The following ADAMTS17 variants were observed in gnomAD, a reference collection of about 807,000 sequenced individuals.
ADAMTS17 encodes the protein A disintegrin and metalloproteinase with thrombospondin motifs 17.
Under a neutral mutation model 141.5 loss-of-function variants are expected in ADAMTS17, and 113 were observed. The ratio of observed to expected loss-of-function variants is 0.80; its 90% CI spans 0.69 to 0.93. ADAMTS17 has a LOEUF of 0.93. ADAMTS17 is among the 40% of genes least tolerant of loss of function. ADAMTS17 has a pLI of 0.00. For missense variants in ADAMTS17, 1,659 were observed against 1,517.9 expected (o/e 1.09, Z -1.54); for synonymous variants, 768 against 630.6 (o/e 1.22, Z -3.27).
intron 7 of ADAMTS17, among the ~76,000 whole-genome samples, chr15:100,210,795 C>T (rs2041776125): frequency 1.3e-5 from 2 of 152,030 alleles, no homozygotes; most frequent in African/African-American, 2.4e-5. Flanking sequence ...GCTGAAACCC[C>T]GTCTCTACTA....
At chr15:100,042,463 G>A (rs2031339789) in intron 18 of ADAMTS17, among the ~76,000 whole-genome samples, 1 of 152,084 alleles carries the variant, frequency 6.6e-6, no homozygotes, top group South Asian at 2.1e-4. Context: ...ACAATTTCAT[G>A]GGTAGAAGAT....
chr15:99,994,009 G>A (rs575082823), intron 19 of ADAMTS17, among the ~76,000 whole-genome samples: 10 of 152,244 alleles, frequency 6.6e-5, no homozygotes, highest in Non-Finnish European at 1.2e-4. Context: ...TCTGGAGTGC[G>A]TCTGGAGCCT....
chr15:100,225,423 T>G (rs1243254666), intron 7 of ADAMTS17, among the ~76,000 whole-genome samples: 1 of 152,250 alleles, frequency 6.6e-6, no homozygotes, highest in Admixed American at 6.5e-5. Flanking sequence ...CAGCAGCCAT[T>G]CATGCAGTCC....
chr15:100,176,718 G>T (rs2040351888), intron 8 of ADAMTS17, among the ~76,000 whole-genome samples: 1 of 152,128 alleles, frequency 6.6e-6, no homozygotes, highest in Non-Finnish European at 1.5e-5. Context: ...CCACAATCAA[G>T]AAACTTAACT....
intron 10 of ADAMTS17, among the ~76,000 whole-genome samples, chr15:100,147,874 CAA>C (rs2038982888): frequency 6.6e-6 from 1 of 152,216 alleles, no homozygotes; most frequent in Middle Eastern, 3.2e-3. Context: ...GTCAGAAGTC[CAA>C]AATCAGTCTC....
chr15:100,149,942 C>T (rs1017393596), intron 10 of ADAMTS17, among the ~76,000 whole-genome samples: 7 of 152,346 alleles, frequency 4.6e-5, no homozygotes, highest in Middle Eastern at 3.4e-3. Context: ...GCCTTGCAAG[C>T]AGGACAATCA....
intron 18 of ADAMTS17, among the ~76,000 whole-genome samples, chr15:100,041,295 C>G (rs2031231448): frequency 6.6e-6 from 1 of 152,218 alleles, no homozygotes; most frequent in African/African-American, 2.4e-5. Flanking sequence ...ACAGCATGTA[C>G]TGCCTGGGAA....
chr15:100,144,114 A>T (rs2038785446), intron 10 of ADAMTS17, among the ~76,000 whole-genome samples: 1 of 152,264 alleles, frequency 6.6e-6, no homozygotes, highest in African/African-American at 2.4e-5. Flanking sequence ...AAAACATTCT[A>T]AATTTGTAAT....
intron 7 of ADAMTS17, among the ~76,000 whole-genome samples, chr15:100,203,082 T>A (rs74037554): frequency 0.2 from 29,807 of 152,012 alleles, 3,325 homozygotes; most frequent in East Asian, 0.39. Flanking sequence ...CTAATGGGCT[T>A]GACTGCTCTG....
At chr15:100,292,136 G>T (rs2044649735) in intron 3 of ADAMTS17, among the ~76,000 whole-genome samples, 1 of 150,784 alleles carries the variant, frequency 6.6e-6, no homozygotes, top group East Asian at 2.0e-4. Flanking sequence ...CTCAGCCCGT[G>T]GGGAGTCACG....
intron 5 of ADAMTS17, 111 bp downstream of exon 5, chr15:100,262,241 G>C (rs2043546962): frequency 2.1e-6 from 2 of 959,366 alleles, no homozygotes; most frequent in South Asian, 2.9e-5. Context: ...GCCACAGAGA[G>C]TGACGGAGAC....
chr15:100,058,858 C>T (rs760792971), intron 15 of ADAMTS17, among the ~76,000 whole-genome samples: 9 of 152,176 alleles, frequency 5.9e-5, no homozygotes, highest in Admixed American at 2.6e-4. Context: ...GATAGGAAAG[C>T]GAAAGAGGCT....
intron 7 of ADAMTS17, among the ~76,000 whole-genome samples, chr15:100,213,868 CCT>C (rs2041886104): frequency 6.6e-6 from 1 of 152,168 alleles, no homozygotes; most frequent in South Asian, 2.1e-4. Flanking sequence ...AGCCGGGACC[CCT>C]GAGGGTCAGA....
At chr15:100,139,279 G>A (rs2038503512) in intron 10 of ADAMTS17, among the ~76,000 whole-genome samples, 1 of 152,186 alleles carries the variant, frequency 6.6e-6, no homozygotes, top group Admixed American at 6.5e-5. Context: ...ATGTACATAA[G>A]CCTGAGATGA....
At chr15:100,119,473 G>A (rs1352089419) in intron 12 of ADAMTS17, among the ~76,000 whole-genome samples, 1 of 152,234 alleles carries the variant, frequency 6.6e-6, no homozygotes, top group Non-Finnish European at 1.5e-5. Context: ...TATAGACTCT[G>A]ATTGGTGAAC....
chr15:100,203,085 C>G (rs954993555), intron 7 of ADAMTS17, among the ~76,000 whole-genome samples: 1 of 152,238 alleles, frequency 6.6e-6, no homozygotes, highest in Non-Finnish European at 1.5e-5. Context: ...ATGGGCTTGA[C>G]TGCTCTGAAC....
At chr15:100,289,738 C>T (rs1178196132) in intron 3 of ADAMTS17, among the ~76,000 whole-genome samples, 1 of 152,112 alleles carries the variant, frequency 6.6e-6, no homozygotes, top group Non-Finnish European at 1.5e-5. Context: ...TGTGATTCAT[C>T]GCATAAACAG....
chr15:100,284,141 C>A (rs989733969), intron 3 of ADAMTS17, among the ~76,000 whole-genome samples: 2 of 150,030 alleles, frequency 1.3e-5, no homozygotes, highest in Non-Finnish European at 3.0e-5. Flanking sequence ...ACAAAAAATC[C>A]TGTACTGGGT....
intron 10 of ADAMTS17, among the ~76,000 whole-genome samples, chr15:100,148,192 G>A (rs896868750): frequency 3.3e-5 from 5 of 152,364 alleles, no homozygotes; most frequent in Admixed American, 2.0e-4. Context: ...CATAGGTGCT[G>A]AGGATAGGAC....
Sources: gnomAD v4.1 joint callset for allele counts (sites outside exome capture counted in the v4.1 genomes callset) on GRCh38, gnomAD v4.1.1 for gene constraint, MANE v1.5 for transcripts, NCBI Gene and HGNC (gene_info 2026-07-23, HGNC 2026-07-21) for gene names.